Variants in BRCA2 observed in about 807,000 individuals in gnomAD.
BRCA2 encodes BRCA2 DNA repair associated.
BRCA2 carries 203 observed loss-of-function variants against 276.7 expected under a neutral mutation model. That is an observed-to-expected ratio of 0.73 (90% CI 0.65 to 0.82). The LOEUF (loss-of-function observed/expected upper bound fraction) is 0.82. Among genes scored for constraint, BRCA2 ranks in the 40% least tolerant of loss-of-function variants. BRCA2 has a pLI of 0.00. For synonymous variants in BRCA2, 1,289 were observed against 1,338.4 expected, an observed-to-expected ratio of 0.96 and a Z score of 0.81; for missense variants, 3,920 against 3,915.0, an observed-to-expected ratio of 1.00 and a Z score of -0.03.
chr13:32,379,073 T>A (rs1056043871), intron 21 of BRCA2, among the ~76,000 whole-genome samples: 1 of 152,204 alleles, frequency 6.6e-6, no homozygotes, highest in Non-Finnish European at 1.5e-5. Context: ...TGTAATGTAG[T>A]TGGTGATGAT....
chr13:32,369,126 T>G (rs1031941967), intron 18 of BRCA2, among the ~76,000 whole-genome samples: 1 of 152,070 alleles, frequency 6.6e-6, no homozygotes, highest in Admixed American at 6.6e-5. Flanking sequence ...TTTTCAATAA[T>G]AGCATCTCAC....
At chr13:32,366,206 G>C (rs2072780794) in intron 18 of BRCA2, among the ~76,000 whole-genome samples, 1 of 152,102 alleles carries the variant, frequency 6.6e-6, no homozygotes, top group Non-Finnish European at 1.5e-5. Flanking sequence ...AATGTTTTAT[G>C]TCCCTAGTGG....
At chr13:32,374,274 A>G (rs888946686) in intron 20 of BRCA2, among the ~76,000 whole-genome samples, 3 of 152,232 alleles carry the variant, frequency 2.0e-5, no homozygotes, top group African/African-American at 7.2e-5. Context: ...TGCCTTGGCT[A>G]TTAACGTTTG....
chr13:32,369,402 T>C (rs1434933714), intron 18 of BRCA2, among the ~76,000 whole-genome samples: 1 of 152,190 alleles, frequency 6.6e-6, no homozygotes, highest in Non-Finnish European at 1.5e-5. Flanking sequence ...CACAGGTACC[T>C]GTTGCCTCCA....
intron 7 of BRCA2, among the ~76,000 whole-genome samples, chr13:32,328,029 C>A (rs898974282): frequency 6.6e-6 from 1 of 152,016 alleles, no homozygotes; most frequent in Admixed American, 6.5e-5. Context: ...AAGCAGCCAC[C>A]ACACCCACCT....
Position 32,336,381 on chromosome 13 carries a change from T to C in BRCA2, c.2026T>C (p.Cys676Arg), listed in dbSNP as rs397507280. The change falls in exon 11 of 27, where the codon TGT (cysteine) becomes CGT (arginine). Residue 676 changes from cysteine (C) to arginine (R), a missense_variant. This residue lies in a region of BRCA2 where 3,263 missense variants were observed against 3,156.9 expected (regional missense o/e 1.03). Transcript: ENST00000380152. ...ILRKCSRNET[C>R]SNNTVISQDL... ...GAGGAAATGTTCTAGAAATGAAACA[T>C]GTTCTAATAATACAGTAATCTCTCA... The C allele has an allele frequency of 4.3e-6, 7 of 1,611,404 alleles. No individual in the cohort carries two copies. Among genetic ancestry groups the C allele is most frequent in the Non-Finnish European group, 5.1e-6 (6 of 1,179,110 alleles).
rs398122569 is a variant in BRCA2 at position 32,344,579 on chromosome 13, A to T, written c.6863A>T (p.Asn2288Ile). Residue 2288 changes from asparagine (N) to isoleucine (I), a missense_variant, in exon 12 of 27, where the codon AAC becomes ATC. Asn to Ile is a moderately radical substitution (Grantham distance 149). Around this residue, in one of 2 missense-constraint regions of BRCA2, gnomAD observed 3,263 missense variants for 3,156.9 expected, o/e 1.03. Transcript: ENST00000380152. ...TTAGGAGAACCCTCAATCAAAAGAAACTTATTAAATGAATTTGACAGGATA... is the reference window on the plus strand; with the variant it reads ...TTAGGAGAACCCTCAATCAAAAGAATCTTATTAAATGAATTTGACAGGATA... ...ILVGEPSIKR[N>I]LLNEFDRIIE... 1 of 1,561,438 alleles carries T rather than the reference A, an allele frequency of 6.4e-7. No individual in the cohort carries two copies. The highest frequency in any genetic ancestry group is 8.8e-7 in the Non-Finnish European group (1 of 1,134,412).
rs81002803 is a variant in BRCA2 at position 32,396,886 on chromosome 13, T to C, written c.9502-12T>C. On this transcript the variant is annotated splice_polypyrimidine_tract_variant and intron_variant, in intron 25 of 26. Transcript: ENST00000380152. ...GCAATTTATAAAGCAGCTTTTCCACTTATTTTCTTAGAATATTGACATACT... is the reference window on the plus strand; with the variant it reads ...GCAATTTATAAAGCAGCTTTTCCACCTATTTTCTTAGAATATTGACATACT... 18 of 1,613,892 alleles carry C rather than the reference T, an allele frequency of 1.1e-5. No individual in the cohort carries two copies. The highest frequency in any genetic ancestry group is 1.4e-5 in the Non-Finnish European group (17 of 1,179,932).
rs58295304 is a variant in BRCA2 at position 32,342,270 on chromosome 13, CAA to C, written c.6841+1091_6841+1092del. On this transcript the variant is annotated intron_variant, in intron 11 of 26. Transcript: ENST00000380152. ...CCTGGGCAACAGAGCGAGACTGTCT[CAA>C]AAAAAAAAAAAAAAAAGTGTATTTA... Among the ~76,000 whole-genome samples the C allele has an allele frequency of 0.44, 58,888 of 133,638 alleles. 12,298 individuals are homozygous for C. The highest frequency in any genetic ancestry group is 0.55 in the African/African-American group (19,623 of 35,358). The allele number at this position is 133,638 out of a possible 152,430, so 87.7% of individuals were successfully genotyped here.
chr13:32,379,695 C>T (rs2137621467), intron 22 of BRCA2, 55 bp from the exon 23 acceptor site: 2 of 1,570,762 alleles, frequency 1.3e-6, no homozygotes, highest in South Asian at 1.1e-5. Flanking sequence ...TTGAAACAAA[C>T]ATTTAAATGA....
intron 11 of BRCA2, among the ~76,000 whole-genome samples, chr13:32,341,601 T>C (rs1441422168): frequency 2.0e-5 from 3 of 152,248 alleles, no homozygotes; most frequent in African/African-American, 4.8e-5. Context: ...CTCTGACTTA[T>C]ATGAACTTTA....
chr13:32,374,054 A>G (rs2072854307), intron 20 of BRCA2, among the ~76,000 whole-genome samples: 1 of 152,198 alleles, frequency 6.6e-6, no homozygotes, highest in South Asian at 2.1e-4. Flanking sequence ...GCACCCTCTC[A>G]AGCAATGGCC....
rs80358442 is a variant in BRCA2, at chr13:32,333,042, G to C, written c.1564G>C (p.Gly522Arg). ...PKETFNASFS[G>R]HMTDPNFKKE... ...AGAGACTTTCAATGCAAGTTTTTCA[G>C]GTCATATGACTGATCCAAACTTTAA... The change falls in exon 10 of 27, where the codon GGT (glycine) becomes CGT (arginine). Residue 522 changes from glycine (G) to arginine (R), a missense_variant. Gly to Arg is a moderately radical substitution (Grantham distance 125, BLOSUM62 -2). Transcript: ENST00000380152. 32 of 1,601,126 alleles carry C rather than the reference G, an allele frequency of 2.0e-5. No homozygotes were observed. The highest frequency in any genetic ancestry group is 8.9e-5 in the Admixed American group (5 of 56,356).
intron 13 of BRCA2, among the ~76,000 whole-genome samples, chr13:32,351,134 T>C (rs957856755): frequency 3.9e-5 from 6 of 152,224 alleles, no homozygotes; most frequent in African/African-American, 1.2e-4. Context: ...TCCACTTCCA[T>C]GCCATGGAAT....
At chr13:32,375,749 G>A (rs1180091452) in intron 20 of BRCA2, among the ~76,000 whole-genome samples, 2 of 151,886 alleles carry the variant, frequency 1.3e-5, no homozygotes, top group Admixed American at 1.3e-4. Flanking sequence ...TAGTAGAGAC[G>A]GGGTTTCACC....
At chr13:32,383,681 T>C (rs1189228632) in intron 24 of BRCA2, among the ~76,000 whole-genome samples, 1 of 151,888 alleles carries the variant, frequency 6.6e-6, no homozygotes, top group Non-Finnish European at 1.5e-5. Flanking sequence ...TTGGACACAA[T>C]GCAGAGCAAA....
intron 3 of BRCA2, among the ~76,000 whole-genome samples, chr13:32,324,163 A>G (rs1254191460): frequency 1.3e-5 from 2 of 152,202 alleles, no homozygotes; most frequent in African/African-American, 2.4e-5. Flanking sequence ...GTAGGGGGAA[A>G]AAGAACAGTG....
intron 9 of BRCA2, among the ~76,000 whole-genome samples, chr13:32,331,555 C>T (rs146690950): frequency 2.6e-5 from 4 of 151,944 alleles, no homozygotes; most frequent in East Asian, 1.9e-4. Context: ...AGAGTGAGAC[C>T]GTGTCTCAAT....
At chr13:32,367,992 C>A (rs2072796334) in intron 18 of BRCA2, among the ~76,000 whole-genome samples, 1 of 103,648 alleles carries the variant, frequency 9.6e-6, no homozygotes. Flanking sequence ...GTTGTCTTTT[C>A]TTCTAATTCT....
Sources: allele counts gnomAD v4.1 joint callset (sites outside exome capture counted in the v4.1 genomes callset), GRCh38; gene constraint gnomAD v4.1.1; regional missense constraint gnomAD v4.1.1; transcripts MANE v1.5; gene names NCBI Gene and HGNC (gene_info 2026-07-23, HGNC 2026-07-21).